ANXA2: variants seen among roughly 807,000 people sequenced by gnomAD.
The protein encoded by ANXA2 is annexin A2, also known as annexin II.
A neutral mutation model predicts 47.3 loss-of-function variants in ANXA2; 28 were observed. That is an observed-to-expected ratio of 0.59 (90% confidence interval 0.44 to 0.81). The LOEUF (loss-of-function observed/expected upper bound fraction) is 0.81, where lower values mean the gene tolerates loss of function less well. Ranked by LOEUF, ANXA2 falls within the 40% of genes least tolerant of loss-of-function variation. The pLI is 0.00. For missense variants in ANXA2, 384 were observed against 414.3 expected (o/e 0.93, Z 0.64); for synonymous variants, 172 against 155.5 (o/e 1.11, Z -0.79).
chr15:60,373,825 T>C (rs1205492348), intron 3 of ANXA2, among the ~76,000 whole-genome samples: 1 of 152,256 alleles, frequency 6.6e-6, no homozygotes, highest in East Asian at 1.9e-4. Context: ...TCAGCTTCTC[T>C]GTCACAAGCC....
intron 3 of ANXA2, among the ~76,000 whole-genome samples, chr15:60,381,347 T>C (rs1394810135): frequency 6.6e-6 from 1 of 152,154 alleles, no homozygotes; most frequent in Non-Finnish European, 1.5e-5. Context: ...TCTGGCCTCA[T>C]GGTGAAAGGA....
chr15:60,351,130 T>C, intron 11 of ANXA2, 63 bp downstream of exon 11: 2 of 1,561,416 alleles, frequency 1.3e-6, no homozygotes, highest in Non-Finnish European at 1.8e-6. Flanking sequence ...GAGACTCAAT[T>C]TGGGACCCAA....
chr15:60,380,245 G>A (rs563464853), intron 3 of ANXA2, among the ~76,000 whole-genome samples: 4 of 152,126 alleles, frequency 2.6e-5, no homozygotes, highest in South Asian at 2.1e-4. Context: ...CAACAATCCC[G>A]TGAGGTGGGA....
chr15:60,371,505 G>T (rs1179243469), intron 3 of ANXA2, among the ~76,000 whole-genome samples: 1 of 152,224 alleles, frequency 6.6e-6, no homozygotes, highest in Non-Finnish European at 1.5e-5. Flanking sequence ...TGGAAAATGT[G>T]TGTCTTTATT....
chr15:60,350,447 C>G (rs1895957575), intron 11 of ANXA2, among the ~76,000 whole-genome samples: 1 of 152,220 alleles, frequency 6.6e-6, no homozygotes, highest in African/African-American at 2.4e-5. Flanking sequence ...ATGATATGTG[C>G]AATAAAGACC....
At position 60,347,347 on chromosome 15, in the gene ANXA2, T is replaced by G; in HGVS notation, c.*283A>C. On this transcript the variant is annotated 3_prime_UTR_variant, in exon 13 of 13. Transcript: ENST00000451270. ...AAAGTACGTGTTTCTAAAGTACAAA[T>G]TCAGTTTATTCATCTGTTTATGACA... 2.2e-6 allele frequency: 1 copy of G among 461,192 alleles called. No homozygotes were observed. Among genetic ancestry groups the G allele is most frequent in the Non-Finnish European group, 3.9e-6 (1 of 256,094 alleles). 28.6% of individuals were successfully genotyped at this position (461,192 alleles called of 1,614,324 possible).
chr15:60,356,019 G>C (rs369759947), intron 6 of ANXA2, 21 bp from the exon 7 acceptor site: 19 of 1,583,816 alleles, frequency 1.2e-5, no homozygotes, highest in Non-Finnish European at 1.6e-5. Flanking sequence ...AATACATCTG[G>C]TTTTATGCTT....
At chr15:60,370,381 G>A (rs922319726) in intron 3 of ANXA2, among the ~76,000 whole-genome samples, 1 of 152,170 alleles carries the variant, frequency 6.6e-6, no homozygotes, top group Non-Finnish European at 1.5e-5. Context: ...AAAAATCATG[G>A]AGCCAGGATC....
At chr15:60,366,528 C>T (rs1380191147) in intron 3 of ANXA2, among the ~76,000 whole-genome samples, 13 of 151,194 alleles carry the variant, frequency 8.6e-5, no homozygotes, top group Non-Finnish European at 1.6e-4. Flanking sequence ...AGCGTCTCTG[C>T]CCGGCCGCTC....
intron 3 of ANXA2, among the ~76,000 whole-genome samples, chr15:60,366,811 G>C (rs2062619751): frequency 7.9e-6 from 1 of 126,954 alleles, no homozygotes; most frequent in Non-Finnish European, 1.6e-5. Flanking sequence ...GCGGGGGGGG[G>C]GGGGGTCGGC....
chr15:60,380,162 G>C (rs184173900), intron 3 of ANXA2, among the ~76,000 whole-genome samples: 1 of 152,202 alleles, frequency 6.6e-6, no homozygotes, highest in South Asian at 2.1e-4. Flanking sequence ...GCTTGTACGT[G>C]TGTGTGTTTT....
chr15:60,360,044 G>A (rs747919160), intron 5 of ANXA2, among the ~76,000 whole-genome samples: 19 of 152,196 alleles, frequency 1.2e-4, no homozygotes, highest in Non-Finnish European at 2.2e-4. Context: ...ATCACCTGAG[G>A]TCGGGAGTTT....
chr15:60,368,760 G>A (rs560603686), intron 3 of ANXA2, among the ~76,000 whole-genome samples: 1 of 151,866 alleles, frequency 6.6e-6, no homozygotes, highest in Non-Finnish European at 1.5e-5. Context: ...CCATAAATGG[G>A]TTTTTTTTAA....
chr15:60,359,240 T>C (rs1461548556), intron 5 of ANXA2, among the ~76,000 whole-genome samples: 1 of 152,172 alleles, frequency 6.6e-6, no homozygotes, highest in Non-Finnish European at 1.5e-5. Context: ...CAACAGTGAC[T>C]GACAGCTCAA....
At chr15:60,371,704 CGACTT>C (rs988673813) in intron 3 of ANXA2, among the ~76,000 whole-genome samples, 4 of 152,114 alleles carry the variant, frequency 2.6e-5, no homozygotes, top group African/African-American at 9.7e-5. Context: ...GGGAAGACCA[CGACTT>C]GACTTGACTA....
Position 60,382,382 on chromosome 15 carries a change from C to T in ANXA2, c.108G>A (p.Glu36=). ...CTGTTTCAATGTTCAAAGCATCCCG[C>T]TCAGCATCAAAGTTAGTATAGGCTT... ...SVKAYTNFDA[E]RDALNIETAI... Residue 36 remains glutamate (E), a synonymous_variant, in exon 3 of 13, where the codon GAG becomes GAA. Transcript: ENST00000451270. The T allele has an allele frequency of 1.2e-6, 2 of 1,614,020 alleles. No individual in the cohort carries two copies.
At chr15:60,355,590 G>A (rs200443744) in intron 7 of ANXA2, 1 of 412,008 alleles carries the variant, frequency 2.4e-6, no homozygotes, top group East Asian at 5.3e-5. Context: ...CTTCCCACTG[G>A]GTCCTGCATG....
intron 1 of ANXA2, chr15:60,392,963 A>T (rs1485765201): frequency 4.9e-6 from 5 of 1,014,450 alleles, no homozygotes; most frequent in African/African-American, 3.9e-5. Flanking sequence ...AAAAAAAAAA[A>T]TGTACTGGGT....
intron 3 of ANXA2, among the ~76,000 whole-genome samples, chr15:60,377,019 G>C (rs969164302): frequency 6.6e-6 from 1 of 152,190 alleles, no homozygotes; most frequent in Non-Finnish European, 1.5e-5. Context: ...ATCGTCACAT[G>C]GTCCTCTGGC....
Sources: allele counts gnomAD v4.1 joint callset (sites outside exome capture counted in the v4.1 genomes callset), GRCh38; gene constraint gnomAD v4.1.1; transcripts MANE v1.5; gene names NCBI Gene and HGNC (gene_info 2026-07-23, HGNC 2026-07-21).